GATAD2B: variants seen among roughly 807,000 people sequenced by gnomAD.
GATAD2B encodes transcriptional repressor p66-beta.
In GATAD2B, 8 loss-of-function variants were observed where a neutral mutation model predicts 64.3. The observed-to-expected ratio is 0.12, with a 90% confidence interval of 0.07 to 0.22. GATAD2B has a LOEUF of 0.22. GATAD2B is among the 10% of genes least tolerant of loss of function. GATAD2B has a pLI of 1.00. For missense variants in GATAD2B, 453 were observed against 752.0 expected (o/e 0.60, Z 4.65); for synonymous variants, 281 against 271.3 (o/e 1.04, Z -0.35).
Position 153,855,214 on chromosome 1 carries a change from GCTTT to G in GATAD2B, c.-1-26870_-1-26867del, listed in dbSNP as rs969475654. ...TTTTTGAAACGTAACTGTAGCATTA[GCTTT>G]CTTTTTGTTTTTTTTTTTTGTTGTT... On this transcript the variant is annotated intron_variant, in intron 1 of 10. Transcript: ENST00000368655. 2.1e-4 allele frequency among the ~76,000 whole-genome samples: 20 copies of G among 96,662 alleles called. No homozygotes were observed. In the East Asian group the frequency reaches 2.1e-3, roughly 10 times the overall value. 63.4% of individuals were successfully genotyped at this position (96,662 alleles called of 152,430 possible).
chr1:153,916,804 T>A (rs1557836198), intron 1 of GATAD2B, among the ~76,000 whole-genome samples: 1 of 152,144 alleles, frequency 6.6e-6, no homozygotes, highest in Non-Finnish European at 1.5e-5. Flanking sequence ...AACAAACTTT[T>A]ATTTGTTTAT....
intron 1 of GATAD2B, chr1:153,852,920 T>C (rs546202278): frequency 2.5e-6 from 2 of 810,822 alleles, no homozygotes; most frequent in East Asian, 4.8e-5. Flanking sequence ...ATGAGCTGCA[T>C]TATCTGACTT....
intron 1 of GATAD2B, among the ~76,000 whole-genome samples, chr1:153,884,839 C>T (rs747678739): frequency 6.6e-6 from 1 of 151,956 alleles, no homozygotes; most frequent in African/African-American, 2.4e-5. Flanking sequence ...TCACTGCAAC[C>T]TCTGCCTCCC....
At chr1:153,845,015 T>C (rs1438313893) in intron 1 of GATAD2B, among the ~76,000 whole-genome samples, 2 of 152,042 alleles carry the variant, frequency 1.3e-5, no homozygotes, top group East Asian at 3.9e-4. Flanking sequence ...GAACTAATTC[T>C]GTTAGAATTA....
rs576539525 is a variant in GATAD2B, at chr1:153,871,556, T to C, written c.-1-43208A>G. Among the ~76,000 whole-genome samples, 55 of 151,800 alleles carry C rather than the reference T, an allele frequency of 3.6e-4. No individual in the cohort carries two copies. In the South Asian group the frequency reaches 9.4e-3, roughly 26 times the overall value. ...AAATTTATTAGAATCGTGGATATTT[T>C]CCTTGATATTACTGAAGCAATTCTC... On this transcript the variant is annotated intron_variant, in intron 1 of 10. Coordinates refer to ENST00000368655, the MANE Select transcript of GATAD2B (RefSeq NM_020699.4).
intron 1 of GATAD2B, among the ~76,000 whole-genome samples, chr1:153,862,896 G>A (rs941166911): frequency 6.6e-6 from 1 of 151,406 alleles, no homozygotes; most frequent in Admixed American, 6.6e-5. Flanking sequence ...GGCTAATTTT[G>A]TATTTTTAGT....
chr1:153,857,058 C>T (rs1204363402), intron 1 of GATAD2B, among the ~76,000 whole-genome samples: 2 of 151,654 alleles, frequency 1.3e-5, no homozygotes, highest in African/African-American at 2.4e-5. Context: ...ACTATGTCTT[C>T]CTTTTGTATG....
At chr1:153,864,533 A>G (rs748520342) in intron 1 of GATAD2B, among the ~76,000 whole-genome samples, 5 of 152,152 alleles carry the variant, frequency 3.3e-5, no homozygotes, top group Non-Finnish European at 7.3e-5. Flanking sequence ...AGGAGGATCA[A>G]TTAAACCTAG....
At chr1:153,847,302 C>T (rs1384932962) in intron 1 of GATAD2B, among the ~76,000 whole-genome samples, 1 of 152,166 alleles carries the variant, frequency 6.6e-6, no homozygotes, top group East Asian at 1.9e-4. Context: ...ATTTTTGCAA[C>T]ATTGTACTTA....
At chr1:153,850,011 C>T (rs1570957283) in intron 1 of GATAD2B, among the ~76,000 whole-genome samples, 1 of 152,154 alleles carries the variant, frequency 6.6e-6, no homozygotes, top group African/African-American at 2.4e-5. Context: ...GGTAGTGTAT[C>T]TGTGACTCTT....
At chr1:153,913,181 G>C (rs910360594) in intron 1 of GATAD2B, among the ~76,000 whole-genome samples, 1 of 151,874 alleles carries the variant, frequency 6.6e-6, no homozygotes, top group East Asian at 1.9e-4. Flanking sequence ...ACCCGCCTCA[G>C]CCTCCCAAAG....
At chr1:153,819,217 C>G (rs1179142639) in intron 3 of GATAD2B, among the ~76,000 whole-genome samples, 1 of 152,162 alleles carries the variant, frequency 6.6e-6, no homozygotes, top group Non-Finnish European at 1.5e-5. Flanking sequence ...AATAATGTTC[C>G]TAAATCTCTT....
intron 1 of GATAD2B, among the ~76,000 whole-genome samples, chr1:153,920,300 T>A (rs1678391237): frequency 6.6e-6 from 1 of 152,194 alleles, no homozygotes. Context: ...AAATTCAACC[T>A]GGAGGTCCAG....
chr1:153,873,181 T>C (rs1314014033), intron 1 of GATAD2B, among the ~76,000 whole-genome samples: 2 of 151,970 alleles, frequency 1.3e-5, no homozygotes, highest in African/African-American at 2.4e-5. Flanking sequence ...ATGAAAGGAG[T>C]CTATTCTCTA....
At chr1:153,876,227 C>CAAAAAAAAAAAAAAAAAAAAAAAAAAAA (rs71093296) in intron 1 of GATAD2B, among the ~76,000 whole-genome samples, 2 of 48,406 alleles carry the variant, frequency 4.1e-5, no homozygotes, top group African/African-American at 8.1e-5. Context: ...GACTTCGTCT[C>CAAAAAAAAAAAAAAAAAAAAAAAAAAAA]AAAAAAAAAA....
intron 2 of GATAD2B, among the ~76,000 whole-genome samples, chr1:153,824,643 G>C (rs953031341): frequency 6.8e-6 from 1 of 147,682 alleles, no homozygotes; most frequent in Non-Finnish European, 1.5e-5. Flanking sequence ...AAAAAGTTGG[G>C]TTTTCAGGAA....
intron 1 of GATAD2B, among the ~76,000 whole-genome samples, chr1:153,834,151 C>CA (rs1005442787): frequency 6.6e-6 from 1 of 151,422 alleles, no homozygotes; most frequent in African/African-American, 2.4e-5. Flanking sequence ...TACAAACGCC[C>CA]ACCACCACGC....
chr1:153,915,156 G>A (rs1174755029), intron 1 of GATAD2B, among the ~76,000 whole-genome samples: 1 of 152,236 alleles, frequency 6.6e-6, no homozygotes, highest in Non-Finnish European at 1.5e-5. Flanking sequence ...CCGGGAGGCG[G>A]TGGCTCACGC....
chr1:153,810,351 A>G (rs1443546440), intron 10 of GATAD2B, 41 bp from the exon 11 acceptor site: 2 of 1,601,706 alleles, frequency 1.2e-6, no homozygotes, highest in Admixed American at 1.7e-5. Flanking sequence ...GTATTAAAAG[A>G]GGAAATAACA....
Sources: allele counts gnomAD v4.1 joint callset (sites outside exome capture counted in the v4.1 genomes callset), GRCh38; gene constraint gnomAD v4.1.1; transcripts MANE v1.5; gene names NCBI Gene and HGNC (gene_info 2026-07-23, HGNC 2026-07-21).